HMGCS1: variants seen among roughly 807,000 people sequenced by gnomAD.
The protein encoded by HMGCS1 is 3-hydroxy-3-methylglutaryl-CoA synthase 1, also known as hydroxymethylglutaryl-CoA synthase, cytoplasmic.
HMGCS1 carries 9 observed loss-of-function variants against 52.3 expected under a neutral mutation model. The ratio of observed to expected loss-of-function variants is 0.17; its 90% CI spans 0.10 to 0.30. The LOEUF (loss-of-function observed/expected upper bound fraction) is 0.30. Among genes scored for constraint, HMGCS1 ranks in the 10% least tolerant of loss-of-function variants. HMGCS1 has a pLI of 1.00. For missense variants in HMGCS1, 320 were observed against 620.9 expected (o/e 0.52, Z 5.15); for synonymous variants, 176 against 214.4 (o/e 0.82, Z 1.57).
intron 4 of HMGCS1, 21 bp from the exon 5 acceptor site, chr5:43,297,187 G>T (rs201643339): frequency 3.7e-6 from 6 of 1,600,138 alleles, no homozygotes; most frequent in South Asian, 1.1e-5. Flanking sequence ...CAAAAAGGAA[G>T]ATGTCTATAT....
intron 1 of HMGCS1, among the ~76,000 whole-genome samples, chr5:43,311,805 CATAAAAT>C (rs1185498534): frequency 6.6e-6 from 1 of 152,180 alleles, no homozygotes; most frequent in Admixed American, 6.5e-5. Context: ...TGGCTCCAAA[CATAAAAT>C]ATCCTTTTAC....
At chr5:43,301,890 T>A (rs1485803302) in intron 2 of HMGCS1, among the ~76,000 whole-genome samples, 3 of 152,226 alleles carry the variant, frequency 2.0e-5, no homozygotes. Flanking sequence ...CATCCTCAAG[T>A]GTTTTATGAC....
rs1334895869 is a variant in HMGCS1 at position 43,290,900 on chromosome 5, A to G, written c.*231T>C. 4.3e-6 allele frequency: 2 copies of G among 467,712 alleles called. No homozygotes were observed. The highest frequency in any genetic ancestry group is 7.7e-6 in the Non-Finnish European group (2 of 259,752). 29.0% of individuals were successfully genotyped at this position (467,712 alleles called of 1,614,324 possible). A position where few individuals can be genotyped will look rare whatever the true frequency, so the allele number is the denominator to read the frequency against. On this transcript the variant is annotated 3_prime_UTR_variant, in exon 11 of 11. Transcript: ENST00000325110. ...GAAGTTTTACAGAGCCCTTAACATC[A>G]TTCGAGTACATTTGGCATTGGCCAG...
intron 2 of HMGCS1, among the ~76,000 whole-genome samples, chr5:43,299,247 A>G (rs1754185710): frequency 6.6e-6 from 1 of 152,240 alleles, no homozygotes; most frequent in South Asian, 2.1e-4. Context: ...TATTAGAGGT[A>G]AACAACACTC....
intron 1 of HMGCS1, among the ~76,000 whole-genome samples, chr5:43,309,035 GCCTTTGT>G (rs1754720644): frequency 6.6e-6 from 1 of 151,274 alleles, no homozygotes; most frequent in Admixed American, 6.6e-5. Flanking sequence ...CTCAAATTAT[GCCTTTGT>G]CTTCTGCAAA....
intron 2 of HMGCS1, among the ~76,000 whole-genome samples, chr5:43,306,987 G>T (rs1196289018): frequency 6.6e-6 from 1 of 151,462 alleles, no homozygotes; most frequent in Non-Finnish European, 1.5e-5. Context: ...AGCACTCCCT[G>T]ACAATATGAG....
At chr5:43,296,034 T>C in intron 5 of HMGCS1, 117 bp from the exon 6 acceptor site, 1 of 672,792 alleles carries the variant, frequency 1.5e-6, no homozygotes, top group Non-Finnish European at 2.5e-6. Context: ...ACAAATACAC[T>C]GTATAATGAA....
rs200131892 is a variant in HMGCS1 at position 43,298,527 on chromosome 5, A to C, written c.439T>G (p.Ser147Ala). 6.2e-7 allele frequency: 1 copy of C among 1,611,518 alleles called. No homozygotes were observed. Among genetic ancestry groups the C allele is most frequent in the East Asian group, 2.2e-5 (1 of 44,830 alleles). Reference sequence around the variant, plus strand: ...TAGGCATGTAACATACCATCCCAAGAGCTGGACTCAATCCAGTTAACAGCA... The same window carrying C: ...TAGGCATGTAACATACCATCCCAAGCGCTGGACTCAATCCAGTTAACAGCA... ...FNAVNWIESSSWDGRYALVVA... is the reference protein window; with the variant it reads ...FNAVNWIESSAWDGRYALVVA... Residue 147 changes from serine (S) to alanine (A), a missense_variant, in exon 3 of 11, where the codon TCT (serine) becomes GCT (alanine). Transcript: ENST00000325110. The surrounding 1 kb of genome is among the most constrained non-coding windows in gnomAD (Gnocchi z 5.6).
intron 8 of HMGCS1, 96 bp from the exon 9 acceptor site, chr5:43,293,069 T>C (rs1400535767): frequency 4.3e-6 from 4 of 936,352 alleles, no homozygotes; most frequent in Non-Finnish European, 6.6e-6. Flanking sequence ...GCAAAACAAC[T>C]TTTCATTTTC....
chr5:43,309,199 T>C (rs558469757), intron 1 of HMGCS1, among the ~76,000 whole-genome samples: 1 of 152,176 alleles, frequency 6.6e-6, no homozygotes, highest in South Asian at 2.1e-4. Context: ...TTGAACTGCC[T>C]ATATTCTGCC....
chr5:43,292,352 T>C lies in HMGCS1; in HGVS notation c.1473+122A>G, dbSNP rs1753816830. Reference sequence around the variant, plus strand: ...GCAAAGCACTTTATACAATTGGAAATAGTACAGCTAGAATCTACTCCCAGA... The same window carrying C: ...GCAAAGCACTTTATACAATTGGAAACAGTACAGCTAGAATCTACTCCCAGA... On this transcript the variant is annotated intron_variant, in intron 10 of 10. Coordinates refer to ENST00000325110, the MANE Select transcript of HMGCS1 (RefSeq NM_001098272.3). 3 of 689,562 alleles carry C rather than the reference T, an allele frequency of 4.4e-6. No individual in the cohort carries two copies. In the East Asian group the frequency reaches 8.1e-5, roughly 19 times the overall value. The allele number at this position is 689,562 out of a possible 1,614,324, so 42.7% of individuals were successfully genotyped here.
chr5:43,299,026 G>GT (rs1754174171), intron 2 of HMGCS1, 51 bp from the exon 3 acceptor site: 2 of 1,340,798 alleles, frequency 1.5e-6, no homozygotes, highest in Admixed American at 4.5e-5. Flanking sequence ...TAAGTTGCTG[G>GT]TTTTCAACTT....
chr5:43,290,957 C>G lies in HMGCS1; in HGVS notation c.*174G>C, dbSNP rs1753730390. 1 of 563,002 alleles carries G rather than the reference C, an allele frequency of 1.8e-6. No individual in the cohort carries two copies. Among genetic ancestry groups the G allele is most frequent in the Non-Finnish European group, 3.2e-6 (1 of 313,292 alleles). The allele number at this position is 563,002 out of a possible 1,614,324, so 34.9% of individuals were successfully genotyped here. A position where few individuals can be genotyped will look rare whatever the true frequency, so the allele number is the denominator to read the frequency against. ...ACAGGAAGCATGTCAGCAAATAGAG[C>G]AAAGAGACTTTCCCAAGTACACGAT... On this transcript the variant is annotated 3_prime_UTR_variant, in exon 11 of 11. Transcript: ENST00000325110.
intron 2 of HMGCS1, among the ~76,000 whole-genome samples, chr5:43,306,798 T>C (rs916386640): frequency 6.6e-6 from 1 of 152,182 alleles, no homozygotes; most frequent in African/African-American, 2.4e-5. Flanking sequence ...CAAGGAGCTT[T>C]TGGAGAGCAG....
At chr5:43,305,542 G>A (rs1490320673) in intron 2 of HMGCS1, among the ~76,000 whole-genome samples, 1 of 151,856 alleles carries the variant, frequency 6.6e-6, no homozygotes, top group East Asian at 1.9e-4. Flanking sequence ...GGCCGAGGTG[G>A]GCGGATCACT....
rs897442001 is a variant in HMGCS1, at chr5:43,298,194, A to C, written c.449-60T>G. 6.4e-6 allele frequency: 9 copies of C among 1,408,846 alleles called. No individual in the cohort carries two copies. In the Admixed American group the frequency reaches 8.4e-5, roughly 13 times the overall value. The allele number at this position is 1,408,846 out of a possible 1,614,324, so 87.3% of individuals were successfully genotyped here. A position where few individuals can be genotyped will look rare whatever the true frequency, so the allele number is the denominator to read the frequency against. On this transcript the variant is annotated intron_variant, in intron 3 of 10. Transcript: ENST00000325110. The surrounding 1 kb of genome is among the most constrained non-coding windows in gnomAD (Gnocchi z 5.6). Reference sequence around the variant, plus strand: ...ATTCAACACTATAACCAAACATGGAAACTGAAGTCTGTTATATTTTCCCCA... The same window carrying C: ...ATTCAACACTATAACCAAACATGGACACTGAAGTCTGTTATATTTTCCCCA...
chr5:43,302,815 T>C (rs1430706416), intron 2 of HMGCS1, among the ~76,000 whole-genome samples: 1 of 152,222 alleles, frequency 6.6e-6, no homozygotes, highest in Non-Finnish European at 1.5e-5. Flanking sequence ...ACCTTCGCAT[T>C]CTTTTTTGGG....
chr5:43,302,508 A>G (rs1469220068), intron 2 of HMGCS1, among the ~76,000 whole-genome samples: 7 of 152,220 alleles, frequency 4.6e-5, no homozygotes, highest in Non-Finnish European at 5.9e-5. Flanking sequence ...CGTCAATTAA[A>G]GTCACTTTTT....
chr5:43,291,649 C>T (rs1307806505), intron 10 of HMGCS1, among the ~76,000 whole-genome samples: 3 of 152,122 alleles, frequency 2.0e-5, no homozygotes, highest in Admixed American at 1.3e-4. Flanking sequence ...ATACTTACTA[C>T]CTATAATCCT....
Sources: gnomAD v4.1 joint callset for allele counts (sites outside exome capture counted in the v4.1 genomes callset) on GRCh38, gnomAD v4.1.1 for gene constraint, Gnocchi (gnomAD v3.1) non-coding constraint, MANE v1.5 for transcripts, NCBI Gene and HGNC (gene_info 2026-07-23, HGNC 2026-07-21) for gene names.